Variants in AP4M1 observed in about 807,000 individuals in gnomAD.
AP4M1 encodes the protein AP-4 complex subunit mu-1.
In AP4M1, 58 loss-of-function variants were observed where a neutral mutation model predicts 62.4. That is an observed-to-expected ratio of 0.93 (90% CI 0.75 to 1.16). The LOEUF is 1.16. Ranked by LOEUF, AP4M1 falls within the 50% of genes most tolerant of loss-of-function variation. AP4M1 has a pLI of 0.00. For synonymous variants in AP4M1, 290 were observed against 239.7 expected (o/e 1.21, Z -1.94); for missense variants, 626 against 585.4 (o/e 1.07, Z -0.72).
chr7:100,107,640 G>A lies in AP4M1; in HGVS notation c.*758G>A, dbSNP rs371334205. ...GGACAGGACCTGGATAGAAAGGAAA[G>A]GCAGGCCGCTTGCCCTGTGCCCTCC... On this transcript the variant is annotated 3_prime_UTR_variant, in exon 15 of 15. Transcript: ENST00000359593. 8 of 1,608,494 alleles carry A rather than the reference G, an allele frequency of 5.0e-6. No individual in the cohort carries two copies. The highest frequency in any genetic ancestry group is 5.1e-6 in the Non-Finnish European group (6 of 1,178,234).
Position 100,107,183 on chromosome 7 carries a change from T to TAC in AP4M1, c.*301_*302insAC. Reference sequence around the variant, plus strand: ...TCCTTCCGCTTAGCGAGCATGCATGTGTGTACGTGCACGTGTGTACATGTC... The same window carrying TAC: ...TCCTTCCGCTTAGCGAGCATGCATGTACGTGTACGTGCACGTGTGTACATGTC... On this transcript the variant is annotated 3_prime_UTR_variant, in exon 15 of 15. Transcript: ENST00000359593. 1 of 1,518,450 alleles carries TAC rather than the reference T, an allele frequency of 6.6e-7. No individual in the cohort carries two copies. The highest frequency in any genetic ancestry group is 1.3e-5 in the South Asian group (1 of 75,276). 94.1% of individuals were successfully genotyped at this position (1,518,450 alleles called of 1,614,324 possible). A position where few individuals can be genotyped will look rare whatever the true frequency, so the allele number is the denominator to read the frequency against.
chr7:100,102,338 C>A, intron 2 of AP4M1: 1 of 513,204 alleles, frequency 1.9e-6, no homozygotes. Context: ...TTGCAGTGAG[C>A]CGAGATCCGG....
Position 100,101,665 on chromosome 7 carries a change from CG to C in AP4M1, c.-46del. 1 of 1,546,802 alleles carries C rather than the reference CG, an allele frequency of 6.5e-7. No individual in the cohort carries two copies. Among genetic ancestry groups the C allele is most frequent in the East Asian group, 2.2e-5 (1 of 44,534 alleles). On this transcript the variant is annotated 5_prime_UTR_variant, in exon 1 of 15. Coordinates refer to ENST00000359593, the MANE Select transcript of AP4M1 (RefSeq NM_004722.4). ...GTTCTTTTGTTCCGGGGCCGCAGGG[CG>C]GGGCAGGCCCGACTTTCGCCGTCTT...
rs1226998742 is a variant in AP4M1, at chr7:100,103,681, C to T, written c.532C>T (p.Arg178Cys). Residue 178 changes from arginine to cysteine, a missense_variant, in exon 6 of 15, where the codon CGC becomes TGC. Transcript: ENST00000359593. ...AGCCAGCCGCCCCGTCCTGTCCAGT[C>T]GCTCTGACCAGGTGAGGGAAGGATC... ...SAASRPVLSS[R>C]SDQSQKNEVF... is the part of the protein sequence containing the mutation. The T allele has an allele frequency of 1.7e-5, 28 of 1,612,368 alleles. No individual in the cohort carries two copies. The highest frequency in any genetic ancestry group is 2.2e-5 in the East Asian group (1 of 44,882).
At chr7:100,102,465 G>T in intron 2 of AP4M1, 1 of 617,434 alleles carries the variant, frequency 1.6e-6, no homozygotes, top group Non-Finnish European at 2.9e-6. Context: ...AGCTCCCTGC[G>T]TGACTCCATC....
chr7:100,103,561 G>A (rs1364543023), intron 5 of AP4M1, 42 bp downstream of exon 5: 1 of 1,613,738 alleles, frequency 6.2e-7, no homozygotes, highest in Non-Finnish European at 8.5e-7. Context: ...GAGAAGAGGG[G>A]TTGGCTGGGG....
chr7:100,100,807 G>T (rs938117188), upstream of AP4M1: 4 of 997,546 alleles, frequency 4.0e-6, no homozygotes, highest in African/African-American at 1.7e-5. Flanking sequence ...TCCGCTCGGA[G>T]GGCGGCCTCA....
At chr7:100,106,568 A>ACC in intron 14 of AP4M1, 54 bp downstream of exon 14, 7 of 444,926 alleles carry the variant, frequency 1.6e-5, no homozygotes, top group South Asian at 8.5e-5. Context: ...TGCAGCCCCC[A>ACC]CCCCACCCTC....
At chr7:100,103,271 T>C in intron 4 of AP4M1, 138 bp from the exon 5 acceptor site, 1 of 784,696 alleles carries the variant, frequency 1.3e-6, no homozygotes, top group Non-Finnish European at 2.2e-6. Flanking sequence ...CTTGAACTCA[T>C]GGCCTCAAGC....
At position 100,101,865 on chromosome 7, in the gene AP4M1, C is replaced by T. The variant is rs369454288; in HGVS notation, c.59-15C>T. 9.3e-6 allele frequency: 15 copies of T among 1,612,900 alleles called. No individual in the cohort carries two copies. Among genetic ancestry groups the T allele is most frequent in the Non-Finnish European group, 1.2e-5 (14 of 1,179,876 alleles). The stretch of plus-strand genomic sequence containing the variant: ...TGTGTCGCAGGATCCTTCACTGAGT[C>T]CTTCCACCCGCCAGTCCGCGGGGAC... On this transcript the variant is annotated splice_polypyrimidine_tract_variant and intron_variant, in intron 1 of 14. Transcript: ENST00000359593.
chr7:100,102,073 C>A, intron 2 of AP4M1, 105 bp downstream of exon 2: 1 of 1,296,964 alleles, frequency 7.7e-7, no homozygotes, highest in Non-Finnish European at 1.1e-6. Context: ...TTGGGGGGTG[C>A]ATTCCGCCAA....
Position 100,108,840 on chromosome 7 carries a change from A to C in AP4M1, c.*1958A>C. On this transcript the variant is annotated 3_prime_UTR_variant, in exon 15 of 15. Coordinates refer to ENST00000359593, the MANE Select transcript of AP4M1 (RefSeq NM_004722.4). ...ACTTGAGGTCAAGAGCCTGGCCAAA[A>C]TGGAGAAACCTCATCTCCACTAAAA... 2 of 248,534 alleles carry C rather than the reference A, an allele frequency of 8.0e-6. No homozygotes were observed. Among genetic ancestry groups the C allele is most frequent in the Non-Finnish European group, 1.5e-5 (2 of 129,470 alleles). 15.4% of individuals were successfully genotyped at this position (248,534 alleles called of 1,614,324 possible).
chr7:100,102,307 C>T (rs917141692), intron 2 of AP4M1: 3 of 526,384 alleles, frequency 5.7e-6, no homozygotes, highest in Non-Finnish European at 3.4e-6. Context: ...TTGAGAATCG[C>T]TTGAATCCAA....
At chr7:100,101,025 A>C (rs1484910272), upstream of AP4M1, among the ~76,000 whole-genome samples, 1 of 151,958 alleles carries the variant, frequency 6.6e-6, no homozygotes, top group African/African-American at 2.4e-5. Context: ...CAAGCCCCCA[A>C]CCCCACGACC....
rs1336780869 is a variant in AP4M1, at chr7:100,108,015, C to A, written c.*1133C>A. On this transcript the variant is annotated 3_prime_UTR_variant, in exon 15 of 15. Coordinates refer to ENST00000359593, the MANE Select transcript of AP4M1 (RefSeq NM_004722.4). ...GGCTGTGGTGGGGCAGCCGCTCGTGCAGACACCAGTGTCTGGACAGGAAGT... is the reference window on the plus strand; with the variant it reads ...GGCTGTGGTGGGGCAGCCGCTCGTGAAGACACCAGTGTCTGGACAGGAAGT... 6.2e-7 allele frequency: 1 copy of A among 1,613,882 alleles called. No homozygotes were observed.
rs745829752 is a variant in AP4M1, at chr7:100,102,713, C to T, written c.186C>T (p.Ser62=). ...HGRHFIHIRH[S]GLYLVVTTSE... ...GTCATTTCATTCACATCAGACACAG[C>T]GGCCTCTATTTGGTGGTCACAACTT... The change falls in exon 3 of 15, where the codon AGC becomes AGT. Residue 62 remains serine, a synonymous_variant. Transcript: ENST00000359593. The T allele has an allele frequency of 3.1e-6, 5 of 1,614,036 alleles. No individual in the cohort carries two copies. The highest frequency in any genetic ancestry group is 2.7e-5 in the African/African-American group (2 of 74,926).
rs969931875 is a variant in AP4M1 at position 100,107,744 on chromosome 7, C to T, written c.*862C>T. 128 of 1,457,816 alleles carry T rather than the reference C, an allele frequency of 8.8e-5. No individual in the cohort carries two copies. The highest frequency in any genetic ancestry group is 1.1e-4 in the Non-Finnish European group (123 of 1,093,156). The allele number at this position is 1,457,816 out of a possible 1,614,324, so 90.3% of individuals were successfully genotyped here. A position where few individuals can be genotyped will look rare whatever the true frequency, so the allele number is the denominator to read the frequency against. On this transcript the variant is annotated 3_prime_UTR_variant, in exon 15 of 15. Transcript: ENST00000359593. ...TTGTTCCTGTAGTTCACCCTGTAGACAGCTATGGCTGGAGACCTTGTTCAT... is the reference window on the plus strand; with the variant it reads ...TTGTTCCTGTAGTTCACCCTGTAGATAGCTATGGCTGGAGACCTTGTTCAT...
chr7:100,106,395 A>G lies in AP4M1; in HGVS notation c.1026-8A>G. 1 of 1,613,436 alleles carries G rather than the reference A, an allele frequency of 6.2e-7. No homozygotes were observed. Among genetic ancestry groups the G allele is most frequent in the South Asian group, 1.1e-5 (1 of 91,070 alleles). ...CCAAGCCCAGCACCTTCCCTTTCCA[A>G]ACTCCAGCCTGTCTCAGGAGCTGAG... is the stretch of plus-strand genomic sequence containing the variant. On this transcript the variant is annotated splice_polypyrimidine_tract_variant and splice_region_variant and intron_variant, in intron 13 of 14. Coordinates refer to ENST00000359593, the MANE Select transcript of AP4M1 (RefSeq NM_004722.4).
At chr7:100,101,280 G>A (rs200061657), upstream of AP4M1, 1 of 1,613,296 alleles carries the variant, frequency 6.2e-7, no homozygotes, top group Non-Finnish European at 8.5e-7. Flanking sequence ...CTAGCGCGTA[G>A]TCCTTCAGTG....
Sources: gnomAD v4.1 joint callset for allele counts (sites outside exome capture counted in the v4.1 genomes callset) on GRCh38, gnomAD v4.1.1 for gene constraint, MANE v1.5 for transcripts, NCBI Gene and HGNC (gene_info 2026-07-23, HGNC 2026-07-21) for gene names.